Variants in OR2T11 observed in about 807,000 individuals in gnomAD.
OR2T11 encodes the protein olfactory receptor family 2 subfamily T member 11, also known as olfactory receptor 2T11.
A neutral mutation model predicts 13.5 loss-of-function variants in OR2T11; 14 were observed. That is an observed-to-expected ratio of 1.04 (90% CI 0.69 to 1.62). OR2T11 has a LOEUF of 1.62. OR2T11 is among the 40% of genes most tolerant of loss of function. The probability of loss-of-function intolerance (pLI) is 0.00; values close to 1 mark genes in which losing one functional copy is unlikely to be tolerated. For synonymous variants in OR2T11, 163 were observed against 154.6 expected, an observed-to-expected ratio of 1.05 and a Z score of -0.40; for missense variants, 410 against 389.7, an observed-to-expected ratio of 1.05 and a Z score of -0.44.
rs1660499874 is a variant in OR2T11 at position 248,625,383 on chromosome 1, C to CA, written c.*794dup. 1.4e-5 allele frequency: 2 copies of CA among 144,174 alleles called. 1 individual carries two copies. Among genetic ancestry groups the CA allele is most frequent in the Non-Finnish European group, 3.0e-5 (2 of 66,468 alleles). 8.9% of individuals were successfully genotyped at this position (144,174 alleles called of 1,614,324 possible). On this transcript the variant is annotated 3_prime_UTR_variant, in exon 2 of 2. Transcript: ENST00000641193. ...GGAAAACTCCAGGGACTTCCCACCC[C>CA]ACTCAGTCAGTCTCAAAGTGCCTTA... is the stretch of plus-strand genomic sequence containing the variant.
chr1:248,633,191 C>T (rs1247084137), intron 1 of OR2T11, among the ~76,000 whole-genome samples: 2 of 120,716 alleles, frequency 1.7e-5, no homozygotes, highest in East Asian at 2.5e-4. Context: ...GTAACCTAAG[C>T]GTCTGCTAAC....
rs533177442 is a variant in OR2T11, at chr1:248,634,615, T to A, written c.-145+423A>T. On this transcript the variant is annotated intron_variant, in intron 1 of 1. Transcript: ENST00000641193. ...TTGTTTTAACTAAATAACCTATCGA[T>A]GCCATAAAGTTGTCTATGAATACAA... Among the ~76,000 whole-genome samples, 3 of 139,684 alleles carry A rather than the reference T, an allele frequency of 2.1e-5. 1 individual carries two copies. Among genetic ancestry groups the A allele is most frequent in the Admixed American group, 7.0e-5 (1 of 14,300 alleles). 91.6% of individuals were successfully genotyped at this position (139,684 alleles called of 152,430 possible).
chr1:248,625,160 C>G lies in OR2T11; in HGVS notation c.*1018G>C, dbSNP rs28681324. 28,616 of 142,722 alleles carry G rather than the reference C, an allele frequency of 0.2. 7,852 individuals carry two copies. Among genetic ancestry groups the G allele is most frequent in the African/African-American group, 0.49 (17,593 of 35,954 alleles). 8.8% of individuals were successfully genotyped at this position (142,722 alleles called of 1,614,324 possible). On this transcript the variant is annotated 3_prime_UTR_variant, in exon 2 of 2. Transcript: ENST00000641193. ...GCCCAAACCAATAAGTTATCCTTCACTCTACACCTGTTGCTAACACACGCC... is the reference window on the plus strand; with the variant it reads ...GCCCAAACCAATAAGTTATCCTTCAGTCTACACCTGTTGCTAACACACGCC...
rs368131167 is a variant in OR2T11, at chr1:248,634,295, G to A, written c.-145+743C>T. Among the ~76,000 whole-genome samples, 12 of 139,964 alleles carry A rather than the reference G, an allele frequency of 8.6e-5. 2 individuals carry two copies. In the East Asian group the frequency reaches 1.6e-3, roughly 19 times the overall value. 91.8% of individuals were successfully genotyped at this position (139,964 alleles called of 152,430 possible). On this transcript the variant is annotated intron_variant, in intron 1 of 1. Coordinates refer to ENST00000641193, the MANE Select transcript of OR2T11 (RefSeq NM_001001964.2). ...TAACAAAACCAAATAAGCTTAAAGT[G>A]CTCATAAAAAATACAATGTGAAACA... is the stretch of plus-strand genomic sequence containing the variant.
At chr1:248,633,943 T>G (rs1660650077) in intron 1 of OR2T11, among the ~76,000 whole-genome samples, 1 of 141,664 alleles carries the variant, frequency 7.1e-6, no homozygotes, top group South Asian at 2.2e-4. Flanking sequence ...AAATAGTTAA[T>G]AGAAATCACT....
chr1:248,629,530 G>A lies in OR2T11; in HGVS notation c.-144-2258C>T, dbSNP rs78681281. The stretch of plus-strand genomic sequence containing the variant: ...CTGGTTGTTCCACGAACTTTCCCAC[G>A]ATCTCCCTGCTGTCTCATGAATCCC... On this transcript the variant is annotated intron_variant, in intron 1 of 1. Coordinates refer to ENST00000641193, the MANE Select transcript of OR2T11 (RefSeq NM_001001964.2). 2.8e-5 allele frequency among the ~76,000 whole-genome samples: 4 copies of A among 140,650 alleles called. 1 individual carries two copies. Among genetic ancestry groups the A allele is most frequent in the Non-Finnish European group, 6.1e-5 (4 of 65,710 alleles). The allele number at this position is 140,650 out of a possible 152,430, so 92.3% of individuals were successfully genotyped here.
At chr1:248,632,550 C>T (rs1345288000) in intron 1 of OR2T11, among the ~76,000 whole-genome samples, 3 of 137,506 alleles carry the variant, frequency 2.2e-5, no homozygotes, top group South Asian at 2.3e-4. Context: ...TGATTATTCA[C>T]AACTTGAGCC....
chr1:248,630,127 A>G (rs1014187615), intron 1 of OR2T11, among the ~76,000 whole-genome samples: 1 of 143,158 alleles, frequency 7.0e-6, no homozygotes, highest in African/African-American at 2.8e-5. Flanking sequence ...TATGCTTTTT[A>G]AGGAATACCT....
At chr1:248,627,319 C>T (rs1660540502) in intron 1 of OR2T11, 47 bp from the exon 2 acceptor site, 1 of 546,890 alleles carries the variant, frequency 1.8e-6, no homozygotes. Flanking sequence ...AAGCAAAAAC[C>T]ATGGCTGCAT....
intron 1 of OR2T11, among the ~76,000 whole-genome samples, chr1:248,629,077 TAAAC>T (rs1352585580): frequency 1.4e-5 from 2 of 143,720 alleles, no homozygotes; most frequent in African/African-American, 5.5e-5. Context: ...TTTGTCATAT[TAAAC>T]AAATTCAAAC....
chr1:248,626,715 A>G lies in OR2T11; in HGVS notation c.414T>C (p.Cys138=). ...RYPVLMNRKK[C]LLLAAGAWFG... is the part of the protein sequence containing the mutation. Reference sequence around the variant, plus strand: ...ACCAGGCACCAGCAGCCAGCAAAAGACACTTCTTGCGGTTCATCAGGACTG... The same window carrying G: ...ACCAGGCACCAGCAGCCAGCAAAAGGCACTTCTTGCGGTTCATCAGGACTG... Residue 138 remains cysteine, a synonymous_variant, in exon 2 of 2, where the codon TGT becomes TGC. Transcript: ENST00000641193. 1 of 1,573,318 alleles carries G rather than the reference A, an allele frequency of 6.4e-7. No individual in the cohort carries two copies. The highest frequency in any genetic ancestry group is 8.6e-7 in the Non-Finnish European group (1 of 1,157,046).
intron 1 of OR2T11, among the ~76,000 whole-genome samples, chr1:248,634,344 T>G (rs1437782920): frequency 0.062 from 280 of 4,496 alleles, 39 homozygotes; most frequent in African/African-American, 0.066. Context: ...CTACAGGTAT[T>G]TATTTACCAT....
chr1:248,634,620 TA>T (rs1660660752), intron 1 of OR2T11, among the ~76,000 whole-genome samples: 1 of 139,566 alleles, frequency 7.2e-6, no homozygotes, highest in Non-Finnish European at 1.5e-5. Context: ...ATCGATGCCA[TA>T]AAGTTGTCTA....
Position 248,628,841 on chromosome 1 carries a change from C to G in OR2T11, c.-144-1569G>C, listed in dbSNP as rs193027144. The stretch of plus-strand genomic sequence containing the variant: ...CTGTGGCCTCCTCTGTCAGGCCTCC[C>G]AGAAATACTCCGTGGTCAAAACTCT... On this transcript the variant is annotated intron_variant, in intron 1 of 1. Transcript: ENST00000641193. Among the ~76,000 whole-genome samples the G allele has an allele frequency of 2.1e-5, 3 of 143,252 alleles. 1 individual carries two copies. Among genetic ancestry groups the G allele is most frequent in the African/African-American group, 8.2e-5 (3 of 36,388 alleles). The allele number at this position is 143,252 out of a possible 152,430, so 94.0% of individuals were successfully genotyped here. A position where few individuals can be genotyped will look rare whatever the true frequency, so the allele number is the denominator to read the frequency against.
intron 1 of OR2T11, among the ~76,000 whole-genome samples, chr1:248,632,086 T>A (rs1660622594): frequency 7.0e-6 from 1 of 143,630 alleles, no homozygotes; most frequent in South Asian, 2.2e-4. Flanking sequence ...ATCATATGAA[T>A]GTGTTATCAC....
chr1:248,626,502 A>AGAGATGG lies in OR2T11; in HGVS notation c.620_626dup (p.Ile210HisfsTer22), dbSNP rs1177349465. 1.3e-6 allele frequency: 2 copies of AGAGATGG among 1,571,746 alleles called. No individual in the cohort carries two copies. Among genetic ancestry groups the AGAGATGG allele is most frequent in the Non-Finnish European group, 8.7e-7 (1 of 1,155,388 alleles). ...TGAGGGAGTAGGAAGTGGAGATGAT[A>AGAGATGG]GAGATGGGGATGAGCAACATGAGGA... On this transcript the variant is annotated frameshift_variant, in exon 2 of 2. Coordinates refer to ENST00000641193, the MANE Select transcript of OR2T11 (RefSeq NM_001001964.2). LOFTEE classifies it high-confidence loss of function.
At chr1:248,629,339 G>A (rs1464542849) in intron 1 of OR2T11, among the ~76,000 whole-genome samples, 1 of 142,796 alleles carries the variant, frequency 7.0e-6, no homozygotes, top group Non-Finnish European at 1.5e-5. Flanking sequence ...GTTACAGAGA[G>A]CTATGATTGT....
rs1420456693 is a variant in OR2T11 at position 248,626,225 on chromosome 1, A to ATACC, written c.900_903dup (p.Phe302GlyfsTer15). ...TTCTGAGCAGATGAGCAACATGCAA[A>ATACC]TACCTTTTTAAATGCCCCTATGACG... On this transcript the variant is annotated frameshift_variant, in exon 2 of 2. Coordinates refer to ENST00000641193, the MANE Select transcript of OR2T11 (RefSeq NM_001001964.2). LOFTEE classifies it high-confidence loss of function. 1.3e-6 allele frequency: 2 copies of ATACC among 1,565,434 alleles called. 1 individual carries two copies. The highest frequency in any genetic ancestry group is 1.7e-6 in the Non-Finnish European group (2 of 1,149,666).
intron 1 of OR2T11, among the ~76,000 whole-genome samples, 173 bp from the exon 2 acceptor site, chr1:248,627,445 C>T (rs568035299): frequency 7.0e-6 from 1 of 143,054 alleles, no homozygotes; most frequent in East Asian, 2.0e-4. Context: ...GGGGTTTTAA[C>T]CATATCTGTT....
Sources: allele counts gnomAD v4.1 joint callset (sites outside exome capture counted in the v4.1 genomes callset), GRCh38; gene constraint gnomAD v4.1.1; transcripts MANE v1.5; gene names NCBI Gene and HGNC (gene_info 2026-07-23, HGNC 2026-07-21).